EXOC4: variants seen among roughly 807,000 people sequenced by gnomAD.
The protein encoded by EXOC4 is exocyst complex component 4, also known as SEC8-like 1.
Under a neutral mutation model 107.2 loss-of-function variants are expected in EXOC4, and 71 were observed. That is an observed-to-expected ratio of 0.66 (90% confidence interval 0.55 to 0.81). The LOEUF is 0.81. EXOC4 is among the 30% of genes least tolerant of loss of function. EXOC4 has a pLI of 0.00. For synonymous variants in EXOC4, 456 were observed against 441.2 expected (o/e 1.03, Z -0.42); for missense variants, 1,108 against 1,189.6 (o/e 0.93, Z 1.01).
intron 1 of EXOC4, among the ~76,000 whole-genome samples, chr7:133,262,421 T>G (rs1795176133): frequency 6.6e-6 from 1 of 152,038 alleles, no homozygotes; most frequent in Non-Finnish European, 1.5e-5. Context: ...TGTGTACAGT[T>G]TAACAGGAAG....
intron 14 of EXOC4, among the ~76,000 whole-genome samples, chr7:133,973,076 G>T (rs1214261210): frequency 2.6e-5 from 4 of 152,164 alleles, no homozygotes; most frequent in South Asian, 2.1e-4. Flanking sequence ...GGAAGTATTT[G>T]TGGATAGTTC....
intron 13 of EXOC4, among the ~76,000 whole-genome samples, chr7:133,928,567 C>G (rs1402151193): frequency 6.6e-6 from 1 of 152,124 alleles, no homozygotes; most frequent in Non-Finnish European, 1.5e-5. Flanking sequence ...GCTTAGGTAT[C>G]AACTCCTCCA....
At chr7:133,431,132 T>C (rs1192948309) in intron 7 of EXOC4, among the ~76,000 whole-genome samples, 1 of 152,246 alleles carries the variant, frequency 6.6e-6, no homozygotes, top group Non-Finnish European at 1.5e-5. Flanking sequence ...ATTCTGGTCC[T>C]GATTTCCTTG....
At chr7:133,984,451 A>G (rs1794067888) in intron 14 of EXOC4, among the ~76,000 whole-genome samples, 2 of 152,210 alleles carry the variant, frequency 1.3e-5, no homozygotes, top group Non-Finnish European at 2.9e-5. Context: ...AAACAGAATA[A>G]TGTTCCAGGT....
chr7:133,347,323 A>C (rs1400831055), intron 5 of EXOC4, among the ~76,000 whole-genome samples: 1 of 150,482 alleles, frequency 6.6e-6, no homozygotes, highest in Admixed American at 6.6e-5. Context: ...GGCTCACTGC[A>C]ACCTCCGCCT....
At chr7:134,015,899 G>T (rs561617177) in intron 17 of EXOC4, among the ~76,000 whole-genome samples, 343 of 150,120 alleles carry the variant, frequency 2.3e-3, no homozygotes, top group Non-Finnish European at 3.6e-3. Flanking sequence ...AAAGTGATGT[G>T]TAGGGCTTCA....
At chr7:133,971,373 G>A (rs901184315) in intron 14 of EXOC4, among the ~76,000 whole-genome samples, 2 of 122,180 alleles carry the variant, frequency 1.6e-5, no homozygotes, top group Non-Finnish European at 3.4e-5. Flanking sequence ...GAGAGAGAGA[G>A]AGAGAGAGAG....
At chr7:133,878,994 G>A (rs572409671) in intron 11 of EXOC4, among the ~76,000 whole-genome samples, 26 of 152,238 alleles carry the variant, frequency 1.7e-4, no homozygotes, top group Non-Finnish European at 3.1e-4. Context: ...CAAAGTGCTC[G>A]GATTACAGGG....
intron 14 of EXOC4, among the ~76,000 whole-genome samples, chr7:133,962,291 GCT>G (rs1419699348): frequency 6.6e-6 from 1 of 152,168 alleles, no homozygotes; most frequent in African/African-American, 2.4e-5. Context: ...TGATGCATTT[GCT>G]CTCTCCTTCT....
chr7:133,746,944 G>C (rs1335139090), intron 10 of EXOC4, among the ~76,000 whole-genome samples: 1 of 152,138 alleles, frequency 6.6e-6, no homozygotes, highest in Non-Finnish European at 1.5e-5. Flanking sequence ...GGAGATGAGA[G>C]AAAGAGAGAA....
intron 9 of EXOC4, among the ~76,000 whole-genome samples, chr7:133,487,312 G>A (rs1362448807): frequency 2.6e-5 from 4 of 152,208 alleles, no homozygotes; most frequent in Non-Finnish European, 4.4e-5. Context: ...TCATACAGAT[G>A]TGAGAAAAGA....
chr7:133,768,011 A>G (rs1321054449), intron 10 of EXOC4: 3 of 151,996 alleles, frequency 2.0e-5, no homozygotes, highest in Non-Finnish European at 2.9e-5. Context: ...GTGCTTATCC[A>G]TGAACTCATC....
At chr7:133,479,141 C>T (rs1369104484) in intron 8 of EXOC4, 3 of 152,172 alleles carry the variant, frequency 2.0e-5, no homozygotes, top group African/African-American at 7.2e-5. Context: ...AGAAGGATTC[C>T]TCCATCTGGC....
intron 7 of EXOC4, among the ~76,000 whole-genome samples, chr7:133,469,533 T>C (rs1164114231): frequency 1.3e-5 from 2 of 152,200 alleles, no homozygotes; most frequent in East Asian, 3.8e-4. Flanking sequence ...GCCAGTATTT[T>C]GCAAAGACAG....
chr7:133,657,764 T>G (rs1468784267), intron 10 of EXOC4, among the ~76,000 whole-genome samples: 1 of 152,310 alleles, frequency 6.6e-6, no homozygotes, highest in Admixed American at 6.5e-5. Context: ...ATAAATCTTA[T>G]AGAATTGGCT....
chr7:133,379,542 T>G (rs1313820871), intron 7 of EXOC4, among the ~76,000 whole-genome samples: 1 of 152,162 alleles, frequency 6.6e-6, no homozygotes, highest in Non-Finnish European at 1.5e-5. Flanking sequence ...TTATTTGTAT[T>G]ATACTACTAT....
intron 9 of EXOC4, among the ~76,000 whole-genome samples, chr7:133,521,852 C>G (rs1017305251): frequency 6.6e-6 from 1 of 152,074 alleles, no homozygotes; most frequent in Non-Finnish European, 1.5e-5. Context: ...ATCTGCTGAC[C>G]TCGTGATCCG....
intron 9 of EXOC4, among the ~76,000 whole-genome samples, chr7:133,575,021 A>G (rs950927864): frequency 6.6e-6 from 1 of 152,232 alleles, no homozygotes; most frequent in Non-Finnish European, 1.5e-5. Context: ...AGGATCAGAT[A>G]ATTATGATAA....
chr7:134,058,455 C>T (rs1384594368), intron 17 of EXOC4, among the ~76,000 whole-genome samples: 1 of 151,920 alleles, frequency 6.6e-6, no homozygotes, highest in Non-Finnish European at 1.5e-5. Context: ...CTTGAAGGGG[C>T]AAAAAGGGAA....
Sources: allele counts gnomAD v4.1 joint callset (sites outside exome capture counted in the v4.1 genomes callset), GRCh38; gene constraint gnomAD v4.1.1; transcripts MANE v1.5; gene names NCBI Gene and HGNC (gene_info 2026-07-23, HGNC 2026-07-21).